The following SOX5 variants were observed in gnomAD, a reference collection of about 807,000 sequenced individuals.
The protein encoded by SOX5 is transcription factor SOX-5.
In SOX5, 9 loss-of-function variants were observed where a neutral mutation model predicts 92.0. The observed-to-expected ratio is 0.10, with a 90% CI of 0.06 to 0.17. The LOEUF is 0.17. Among genes scored for constraint, SOX5 ranks in the 10% least tolerant of loss-of-function variants. The probability of loss-of-function intolerance (pLI) is 1.00; values close to 1 mark genes in which losing one functional copy is unlikely to be tolerated. For synonymous variants in SOX5, 344 were observed against 336.3 expected (o/e 1.02, Z -0.25); for missense variants, 642 against 944.5 (o/e 0.68, Z 4.20).
At chr12:24,459,563 A>G (rs141540511) in intron 1 of SOX5, among the ~76,000 whole-genome samples, 22 of 152,238 alleles carry the variant, frequency 1.4e-4, no homozygotes, top group Non-Finnish European at 5.9e-5. Flanking sequence ...GATTTTTTCA[A>G]TCTAAAAGGA....
At chr12:24,307,454 G>A (rs1055416258) in intron 2 of SOX5, among the ~76,000 whole-genome samples, 1 of 4,850 alleles carries the variant, frequency 2.1e-4, no homozygotes. Flanking sequence ...AGCTGGAAAG[G>A]AAGGAAGGAA....
At chr12:23,568,911 G>A (rs961030349) in intron 10 of SOX5, among the ~76,000 whole-genome samples, 7 of 148,078 alleles carry the variant, frequency 4.7e-5, no homozygotes, top group East Asian at 2.0e-4. Context: ...AAAAAATGCC[G>A]GGCATGGTGG....
At chr12:24,054,255 T>C (rs1190933237) in intron 4 of SOX5, among the ~76,000 whole-genome samples, 2 of 152,098 alleles carry the variant, frequency 1.3e-5, no homozygotes, top group African/African-American at 4.8e-5. Flanking sequence ...ATGTCCCTTC[T>C]CCTCCCTCCC....
At chr12:23,699,237 A>G (rs552807161) in intron 6 of SOX5, among the ~76,000 whole-genome samples, 33 of 152,254 alleles carry the variant, frequency 2.2e-4, no homozygotes, top group African/African-American at 6.5e-4. Context: ...GAGACTGCCA[A>G]GTTCTGCCTG....
chr12:24,336,216 C>A (rs1358933368), intron 2 of SOX5, among the ~76,000 whole-genome samples: 2 of 151,118 alleles, frequency 1.3e-5, no homozygotes, highest in African/African-American at 4.9e-5. Flanking sequence ...TGCCTCAGCC[C>A]CCTGAGTAGC....
chr12:23,573,470 C>T (rs927618986), intron 10 of SOX5, among the ~76,000 whole-genome samples: 1 of 152,052 alleles, frequency 6.6e-6, no homozygotes, highest in African/African-American at 2.4e-5. Context: ...TTTTTTGAAA[C>T]TTCGTTTTCC....
At chr12:23,790,544 T>TCA (rs1567782135) in intron 3 of SOX5, among the ~76,000 whole-genome samples, 158 of 3,912 alleles carry the variant, frequency 0.04, 1 homozygote, top group African/African-American at 0.14. Flanking sequence ...TCTCTCTCAA[T>TCA]CTCTCACACA....
chr12:24,335,985 A>ATATATATATATATATATC (rs1483273787), intron 2 of SOX5, among the ~76,000 whole-genome samples: 1 of 142,552 alleles, frequency 7.0e-6, no homozygotes, highest in Non-Finnish European at 1.5e-5. Context: ...ATATATATAT[A>ATATATATATATATATATC]TATCCATAAT....
At chr12:24,281,769 G>T (rs577632198) in intron 2 of SOX5, among the ~76,000 whole-genome samples, 1 of 152,148 alleles carries the variant, frequency 6.6e-6, no homozygotes, top group Non-Finnish European at 1.5e-5. Context: ...GGATGGGGAA[G>T]GATTTTCTTT....
At chr12:24,348,230 T>C (rs1953583772) in intron 2 of SOX5, among the ~76,000 whole-genome samples, 1 of 151,996 alleles carries the variant, frequency 6.6e-6, no homozygotes. Flanking sequence ...ACACAGAGTC[T>C]TTGGAAATAA....
chr12:24,252,580 G>A (rs531143245), intron 3 of SOX5, among the ~76,000 whole-genome samples: 7 of 151,774 alleles, frequency 4.6e-5, no homozygotes, highest in South Asian at 2.1e-4. Flanking sequence ...TGAAAGCTTC[G>A]GGCATCTAAA....
intron 4 of SOX5, among the ~76,000 whole-genome samples, chr12:24,061,555 C>T (rs375684509): frequency 2.4e-4 from 36 of 152,068 alleles, no homozygotes; most frequent in African/African-American, 8.2e-4. Context: ...CCAATGACAA[C>T]GTTTGCACAA....
At chr12:23,709,625 G>C (rs995282987) in intron 6 of SOX5, among the ~76,000 whole-genome samples, 2 of 152,108 alleles carry the variant, frequency 1.3e-5, no homozygotes, top group African/African-American at 4.8e-5. Context: ...TAAAGAATAA[G>C]GGTTTTATTA....
intron 4 of SOX5, among the ~76,000 whole-genome samples, chr12:24,147,934 G>A (rs745678961): frequency 2.6e-5 from 4 of 152,122 alleles, no homozygotes; most frequent in Non-Finnish European, 5.9e-5. Flanking sequence ...TACTTCATTG[G>A]TCAGAGGGCT....
rs181873615 is a variant in SOX5, at chr12:23,879,082, T to A, written c.270+16711A>T. 1.1e-3 allele frequency among the ~76,000 whole-genome samples: 169 copies of A among 152,280 alleles called. 1 individual carries two copies. The highest frequency in any genetic ancestry group is 5.8e-3 in the Admixed American group (89 of 15,286). ...AAATACAATATTTATTTGAAAGAAA[T>A]CCTTTCATGTTTTAATATATGAGTG... is the stretch of plus-strand genomic sequence containing the variant. On this transcript the variant is annotated intron_variant, in intron 2 of 14. Coordinates refer to ENST00000451604, the MANE Select transcript of SOX5 (RefSeq NM_006940.6).
intron 9 of SOX5, among the ~76,000 whole-genome samples, chr12:23,578,482 T>C (rs536235104): frequency 4.6e-5 from 7 of 152,126 alleles, no homozygotes; most frequent in Admixed American, 3.3e-4. Flanking sequence ...AGGGGGACTA[T>C]TGAAAAAGTT....
At chr12:23,706,984 TA>T (rs1381455430) in intron 6 of SOX5, among the ~76,000 whole-genome samples, 1 of 152,088 alleles carries the variant, frequency 6.6e-6, no homozygotes, top group Non-Finnish European at 1.5e-5. Flanking sequence ...ATTCTCAAAA[TA>T]CATATATTTT....
intron 3 of SOX5, among the ~76,000 whole-genome samples, chr12:23,761,229 C>G (rs1028649452): frequency 3.9e-5 from 6 of 152,020 alleles, no homozygotes; most frequent in African/African-American, 1.4e-4. Flanking sequence ...TTTAGATAAG[C>G]ACTTCATAAA....
intron 4 of SOX5, among the ~76,000 whole-genome samples, chr12:24,164,724 T>C (rs7316665): frequency 0.14 from 20,677 of 152,078 alleles, 1,668 homozygotes; most frequent in East Asian, 0.42. Context: ...TTGTGTTATC[T>C]AAATGCTTCC....
Sources: gnomAD v4.1 joint callset for allele counts (sites outside exome capture counted in the v4.1 genomes callset) on GRCh38, gnomAD v4.1.1 for gene constraint, MANE v1.5 for transcripts, NCBI Gene and HGNC (gene_info 2026-07-23, HGNC 2026-07-21) for gene names.